Variants in STK33 observed in about 807,000 individuals in gnomAD.
The protein encoded by STK33 is serine/threonine kinase 33.
In STK33, 52 loss-of-function variants were observed where a neutral mutation model predicts 58.0. That is an observed-to-expected ratio of 0.90 (90% CI 0.72 to 1.13). The LOEUF is 1.13. Ranked by LOEUF, STK33 falls within the 50% of genes most tolerant of loss-of-function variation. STK33 has a pLI of 0.00. For synonymous variants in STK33, 215 were observed against 200.1 expected (o/e 1.07, Z -0.63); for missense variants, 630 against 604.2 (o/e 1.04, Z -0.45).
At chr11:8,380,151 G>C in the STK33 span, among the ~76,000 whole-genome samples, 1 of 152,156 alleles carries the variant, frequency 6.6e-6, no homozygotes, top group Non-Finnish European at 1.5e-5. Flanking sequence ...ACCCAGTAAT[G>C]GGATTGCTGG....
chr11:8,367,951 G>C, the STK33 span, among the ~76,000 whole-genome samples: 1 of 152,102 alleles, frequency 6.6e-6, no homozygotes. Flanking sequence ...AGAGTGACTT[G>C]GGCCAGAGCT....
chr11:8,410,643 T>C (rs1940082730), intron 15 of STK33, among the ~76,000 whole-genome samples: 1 of 152,076 alleles, frequency 6.6e-6, no homozygotes, highest in Admixed American at 6.5e-5. Context: ...CAGCTACTTT[T>C]TGTATTTTTA....
the STK33 span, among the ~76,000 whole-genome samples, chr11:8,363,893 C>G: frequency 1.3e-5 from 2 of 152,164 alleles, no homozygotes; most frequent in Non-Finnish European, 2.9e-5. Flanking sequence ...TAAAGTGTTT[C>G]ATTTCTTTGT....
At chr11:8,435,251 C>G (rs183585416) in intron 14 of STK33, among the ~76,000 whole-genome samples, 60 of 152,276 alleles carry the variant, frequency 3.9e-4, no homozygotes, top group Non-Finnish European at 4.6e-4. Flanking sequence ...GGACATGATA[C>G]TTTCATGACA....
the STK33 span, among the ~76,000 whole-genome samples, chr11:8,362,154 C>T: frequency 1.3e-5 from 2 of 152,148 alleles, no homozygotes; most frequent in Admixed American, 6.6e-5. Flanking sequence ...CGGGGCCCAG[C>T]GACTGAGGGG....
the STK33 span, among the ~76,000 whole-genome samples, chr11:8,374,913 C>T: frequency 6.6e-6 from 1 of 152,300 alleles, no homozygotes; most frequent in East Asian, 1.9e-4. Flanking sequence ...TGGCGGCCGC[C>T]TCATCTCCTA....
In STK33 at chr11:8,457,905, A is replaced by G. The variant is rs1015032337; in HGVS notation, c.559-426T>C. Among the ~76,000 whole-genome samples, 10 of 152,342 alleles carry G rather than the reference A, an allele frequency of 6.6e-5. No homozygotes were observed. The East Asian group carries it at 1.2e-3, about 18-fold the overall frequency. On this transcript the variant is annotated intron_variant, in intron 8 of 15. Transcript: ENST00000687296. ...AAGCTTGAAACAGCACTGTCTGTTA[A>G]AAGAATAATCTCAGTGTTAATAACA...
intron 15 of STK33, among the ~76,000 whole-genome samples, chr11:8,394,608 G>A (rs1849032747): frequency 6.6e-6 from 1 of 152,164 alleles, no homozygotes; most frequent in African/African-American, 2.4e-5. Context: ...AGGAGTTGCA[G>A]TCACCAGGAA....
intron 10 of STK33, among the ~76,000 whole-genome samples, chr11:8,454,307 C>T (rs571401382): frequency 2.0e-5 from 3 of 152,284 alleles, no homozygotes; most frequent in South Asian, 2.1e-4. Context: ...ACACTTGGCA[C>T]ATTAATTGTA....
intron 14 of STK33, among the ~76,000 whole-genome samples, 188 bp downstream of exon 14, chr11:8,435,306 T>C (rs1221138681): frequency 6.6e-6 from 1 of 152,154 alleles, no homozygotes. Flanking sequence ...TATAAACAAC[T>C]GTGACAACAG....
At chr11:8,453,732 A>G (rs1247349921) in intron 10 of STK33, among the ~76,000 whole-genome samples, 1 of 152,250 alleles carries the variant, frequency 6.6e-6, no homozygotes, top group African/African-American at 2.4e-5. Flanking sequence ...CTTTGTCCAG[A>G]GACAATGAAT....
chr11:8,400,296 G>A (rs1223816430), intron 15 of STK33, among the ~76,000 whole-genome samples: 1 of 152,184 alleles, frequency 6.6e-6, no homozygotes, highest in Non-Finnish European at 1.5e-5. Flanking sequence ...TCATCCCTGG[G>A]ATGCAAGGCT....
chr11:8,463,013 T>C (rs1270932935), intron 7 of STK33, among the ~76,000 whole-genome samples: 1 of 152,162 alleles, frequency 6.6e-6, no homozygotes, highest in Admixed American at 6.5e-5. Context: ...GGATTAGTCA[T>C]AAGGCAAATT....
At chr11:8,390,162 T>C (rs558327091), downstream of STK33, among the ~76,000 whole-genome samples, 4 of 152,308 alleles carry the variant, frequency 2.6e-5, no homozygotes, top group East Asian at 5.8e-4. Flanking sequence ...AATGAATTTG[T>C]CCCCAGCTTG....
the STK33 span, among the ~76,000 whole-genome samples, chr11:8,345,914 AC>A: frequency 6.6e-6 from 1 of 152,210 alleles, no homozygotes; most frequent in Non-Finnish European, 1.5e-5. Flanking sequence ...GGAAACAATT[AC>A]AGCTTCCACG....
chr11:8,496,579 T>C (rs1458212504), intron 1 of STK33, among the ~76,000 whole-genome samples: 2 of 140,354 alleles, frequency 1.4e-5, no homozygotes, highest in Admixed American at 7.1e-5. Context: ...TGATATTTCA[T>C]TTTTTTTTTT....
At chr11:8,478,879 G>A (rs924074204) in intron 2 of STK33, among the ~76,000 whole-genome samples, 4 of 152,102 alleles carry the variant, frequency 2.6e-5, no homozygotes, top group African/African-American at 9.7e-5. Flanking sequence ...TATATTTTAA[G>A]GAAGACTAGC....
chr11:8,561,382 A>G (rs1356715311), intron 1 of STK33, among the ~76,000 whole-genome samples: 1 of 152,114 alleles, frequency 6.6e-6, no homozygotes, highest in Non-Finnish European at 1.5e-5. Context: ...GGCTTTGGCT[A>G]TTACCATGAT....
rs1947541415 is a variant in STK33 at position 8,461,710 on chromosome 11, A to G, written c.558+95T>C. 4 of 932,568 alleles carry G rather than the reference A, an allele frequency of 4.3e-6. No homozygotes were observed. In the East Asian group the frequency reaches 1.2e-4, roughly 28 times the overall value. The allele number at this position is 932,568 out of a possible 1,614,324, so 57.8% of individuals were successfully genotyped here. On this transcript the variant is annotated intron_variant, in intron 8 of 15. Transcript: ENST00000687296. ...TGACAGACTCATGGCCAAGGACATG[A>G]GCAACTGTGCCCCAAAGGGATTATT...
Sources: allele counts gnomAD v4.1 joint callset (sites outside exome capture counted in the v4.1 genomes callset), GRCh38; gene constraint gnomAD v4.1.1; transcripts MANE v1.5; gene names NCBI Gene and HGNC (gene_info 2026-07-23, HGNC 2026-07-21).